NKAIN3: variants seen among roughly 807,000 people sequenced by gnomAD.
NKAIN3 encodes sodium/potassium-transporting ATPase subunit beta-1-interacting protein 3.
NKAIN3 carries 25 observed loss-of-function variants against 30.2 expected under a neutral mutation model. The ratio of observed to expected loss-of-function variants is 0.83; its 90% CI spans 0.60 to 1.16. NKAIN3 has a LOEUF of 1.16. NKAIN3 is among the 50% of genes most tolerant of loss of function. The pLI is 0.00. For synonymous variants in NKAIN3, 91 were observed against 89.6 expected (o/e 1.02, Z -0.09); for missense variants, 225 against 254.1 (o/e 0.89, Z 0.78).
chr8:62,352,468 T>C (rs1309198090), intron 1 of NKAIN3, among the ~76,000 whole-genome samples: 1 of 152,100 alleles, frequency 6.6e-6, no homozygotes, highest in South Asian at 2.1e-4. Context: ...TCCTTGGGAG[T>C]TATGGAGCCA....
At chr8:62,798,913 A>T (rs973726009) in intron 4 of NKAIN3, among the ~76,000 whole-genome samples, 1 of 152,172 alleles carries the variant, frequency 6.6e-6, no homozygotes, top group Non-Finnish European at 1.5e-5. Context: ...AGGATGGAAG[A>T]ACTGGACTAT....
intron 3 of NKAIN3, among the ~76,000 whole-genome samples, chr8:62,666,928 C>T (rs1424816088): frequency 2.0e-5 from 3 of 152,078 alleles, no homozygotes; most frequent in Non-Finnish European, 4.4e-5. Flanking sequence ...CAATTACAAC[C>T]TAAATTCCCT....
chr8:62,481,926 A>T (rs1308907283), intron 1 of NKAIN3, among the ~76,000 whole-genome samples: 1 of 152,216 alleles, frequency 6.6e-6, no homozygotes, highest in Non-Finnish European at 1.5e-5. Context: ...AATGGTGGTT[A>T]GGTGGCCACA....
Position 62,746,981 on chromosome 8 carries a change from G to A in NKAIN3, c.323G>A (p.Arg108Lys), listed in dbSNP as rs1221112739. Residue 108 changes from arginine (R) to lysine (K), a missense_variant, in exon 4 of 7, where the codon AGA becomes AAA. Transcript: ENST00000623646. ...FNISVHRSWW[R>K]EHGPGCVRRV... The stretch of plus-strand genomic sequence containing the variant: ...ATCTCTGTACATCGGTCATGGTGGA[G>A]AGAACATGGGCCTGGTTGTGTCAGA... The A allele has an allele frequency of 2.5e-6, 4 of 1,613,900 alleles. No homozygotes were observed. In the African/African-American group the frequency reaches 5.3e-5, roughly 22 times the overall value.
In NKAIN3 at chr8:62,249,109, C is replaced by T. The variant is rs992183208; in HGVS notation, c.36C>T (p.Cys12=). The change falls in exon 1 of 7, where the codon TGC becomes TGT. Residue 12 remains cysteine, a synonymous_variant. Transcript: ENST00000623646. ...GCCTGRCSLI[C]LCALQLVSAL... ...GCACCGGACGCTGCTCGCTCATCTG[C>T]CTCTGCGCGCTGCAGTTGGTGAGTG... is the stretch of plus-strand genomic sequence containing the variant. 3.2e-6 allele frequency: 5 copies of T among 1,538,566 alleles called. No individual in the cohort carries two copies. Among genetic ancestry groups the T allele is most frequent in the South Asian group, 2.4e-5 (2 of 83,600 alleles).
At chr8:62,255,417 A>T (rs901194857) in intron 1 of NKAIN3, among the ~76,000 whole-genome samples, 1 of 152,234 alleles carries the variant, frequency 6.6e-6, no homozygotes, top group Admixed American at 6.5e-5. Flanking sequence ...AGAGGCAAGG[A>T]GGGAGTCCCC....
intron 4 of NKAIN3, among the ~76,000 whole-genome samples, chr8:62,833,357 A>G (rs547426222): frequency 5.9e-5 from 9 of 152,202 alleles, no homozygotes; most frequent in African/African-American, 2.2e-4. Context: ...ATTAAGATGT[A>G]CAAATCCATA....
intron 4 of NKAIN3, among the ~76,000 whole-genome samples, chr8:62,785,648 T>A (rs1433466460): frequency 6.6e-6 from 1 of 152,122 alleles, no homozygotes; most frequent in Non-Finnish European, 1.5e-5. Context: ...CTAGGGGAAT[T>A]CATTCCAGGA....
At chr8:62,676,531 T>G (rs1035545786) in intron 3 of NKAIN3, among the ~76,000 whole-genome samples, 1 of 152,210 alleles carries the variant, frequency 6.6e-6, no homozygotes, top group African/African-American at 2.4e-5. Flanking sequence ...ATTGCACCAC[T>G]GCACTCCAGC....
intron 4 of NKAIN3, among the ~76,000 whole-genome samples, chr8:62,872,593 C>A (rs1820678025): frequency 6.6e-6 from 1 of 152,126 alleles, no homozygotes; most frequent in Admixed American, 6.5e-5. Flanking sequence ...ATTGTGTTAC[C>A]ATTGTGTGAT....
At chr8:62,429,467 A>G (rs369392158) in intron 1 of NKAIN3, among the ~76,000 whole-genome samples, 197 of 152,024 alleles carry the variant, frequency 1.3e-3, no homozygotes, top group African/African-American at 4.6e-3. Flanking sequence ...CACCTGATCA[A>G]GAAGAATGAT....
At chr8:62,945,960 G>T (rs1027919262) in intron 5 of NKAIN3, among the ~76,000 whole-genome samples, 1 of 152,196 alleles carries the variant, frequency 6.6e-6, no homozygotes, top group African/African-American at 2.4e-5. Context: ...TGAGCAGAAA[G>T]AAGTAAAAAA....
At chr8:62,443,691 A>T (rs1805399745) in intron 1 of NKAIN3, among the ~76,000 whole-genome samples, 1 of 152,028 alleles carries the variant, frequency 6.6e-6, no homozygotes, top group Non-Finnish European at 1.5e-5. Flanking sequence ...CCCAGCCTTG[A>T]CTGGTATTTT....
intron 1 of NKAIN3, among the ~76,000 whole-genome samples, chr8:62,430,458 G>A (rs1804961836): frequency 6.7e-6 from 1 of 150,272 alleles, no homozygotes; most frequent in Non-Finnish European, 1.5e-5. Flanking sequence ...TATGTATCCA[G>A]AAGTGGAATT....
At chr8:62,365,910 G>T (rs1816722998) in intron 1 of NKAIN3, among the ~76,000 whole-genome samples, 1 of 151,992 alleles carries the variant, frequency 6.6e-6, no homozygotes, top group Non-Finnish European at 1.5e-5. Context: ...GGTAATACTG[G>T]CCTCCTAAAG....
At chr8:62,409,814 A>G (rs185943167) in intron 1 of NKAIN3, among the ~76,000 whole-genome samples, 91 of 152,150 alleles carry the variant, frequency 6.0e-4, no homozygotes, top group Admixed American at 3.3e-3. Flanking sequence ...AAAATTCAGA[A>G]GATTTTATAT....
chr8:62,832,004 G>T (rs973411740), intron 4 of NKAIN3, among the ~76,000 whole-genome samples: 1 of 152,018 alleles, frequency 6.6e-6, no homozygotes, highest in Admixed American at 6.6e-5. Context: ...AAGCCCATCA[G>T]GCTAAAAGCA....
At chr8:62,686,103 T>A (rs1396623552) in intron 3 of NKAIN3, among the ~76,000 whole-genome samples, 1 of 152,160 alleles carries the variant, frequency 6.6e-6, no homozygotes. Flanking sequence ...TATCACGGCT[T>A]ACTCTCCAAG....
chr8:62,782,325 T>A (rs1384860962), intron 4 of NKAIN3, among the ~76,000 whole-genome samples: 1 of 152,006 alleles, frequency 6.6e-6, no homozygotes, highest in Non-Finnish European at 1.5e-5. Flanking sequence ...TTGGAGGGAA[T>A]GTAAATAAGT....
Sources: allele counts gnomAD v4.1 joint callset (sites outside exome capture counted in the v4.1 genomes callset), GRCh38; gene constraint gnomAD v4.1.1; transcripts MANE v1.5; gene names NCBI Gene and HGNC (gene_info 2026-07-23, HGNC 2026-07-21).